Variants in NEXMIF observed in about 807,000 individuals in gnomAD.
NEXMIF encodes the protein XLMR protein related to neurite extension.
A neutral mutation model predicts 62.1 loss-of-function variants in NEXMIF; 8 were observed. The observed-to-expected ratio is 0.13, with a 90% CI of 0.08 to 0.23. The LOEUF (loss-of-function observed/expected upper bound fraction) is 0.23, where lower values mean the gene tolerates loss of function less well. Among genes scored for constraint, NEXMIF ranks in the 10% least tolerant of loss-of-function variants. NEXMIF has a pLI of 1.00. For synonymous variants in NEXMIF, 404 were observed against 416.6 expected (o/e 0.97, Z 0.37); for missense variants, 976 against 1,113.3 (o/e 0.88, Z 1.75).
intron 1 of NEXMIF, among the ~76,000 whole-genome samples, chrX:74,847,749 C>T (rs894214115): frequency 1.6e-4 from 18 of 111,535 alleles, no homozygotes; most frequent in African/African-American, 5.2e-4. Flanking sequence ...TCTTTAACAC[C>T]TTCTTCATTA....
At chrX:74,890,728 G>C (rs1158238636) in intron 1 of NEXMIF, among the ~76,000 whole-genome samples, 4 of 111,349 alleles carry the variant, frequency 3.6e-5, no homozygotes, top group Non-Finnish European at 5.6e-5. Context: ...ATGTCAGAGG[G>C]ACAATGCCTA....
intron 1 of NEXMIF, among the ~76,000 whole-genome samples, chrX:74,885,467 C>A (rs1324959922): frequency 9.0e-6 from 1 of 111,499 alleles, no homozygotes; most frequent in Non-Finnish European, 1.9e-5. Context: ...AAGGGGATAT[C>A]ACCACTGATC....
At position 74,812,762 on chromosome X, in the gene NEXMIF, C is replaced by G. The variant is rs186775029; in HGVS notation, c.-47-67065G>C. Among the ~76,000 whole-genome samples the G allele has an allele frequency of 3.4e-3, 379 of 111,636 alleles. 2 individuals carry two copies. Among genetic ancestry groups the G allele is most frequent in the African/African-American group, 0.012 (361 of 30,737 alleles). Reference sequence around the variant, plus strand: ...CTGAAGAGTAGAAAAGTTTGAGAGACAGTTTCAAGAAAAGCTGGCATTTAC... The same window carrying G: ...CTGAAGAGTAGAAAAGTTTGAGAGAGAGTTTCAAGAAAAGCTGGCATTTAC... On this transcript the variant is annotated intron_variant, in intron 1 of 3. Coordinates refer to ENST00000055682, the MANE Select transcript of NEXMIF (RefSeq NM_001008537.3).
intron 1 of NEXMIF, among the ~76,000 whole-genome samples, chrX:74,837,835 G>A (rs192201734): frequency 9.0e-6 from 1 of 111,599 alleles, no homozygotes; most frequent in East Asian, 2.8e-4. Context: ...TTATAAGAAA[G>A]AATAAATCAG....
At chrX:74,872,521 G>T (rs1307059393) in intron 1 of NEXMIF, among the ~76,000 whole-genome samples, 1 of 109,331 alleles carries the variant, frequency 9.1e-6, no homozygotes, top group African/African-American at 3.3e-5. Flanking sequence ...GTATTTGCTA[G>T]CACATCAGAC....
At chrX:74,751,492 CTTT>C (rs751246251) in intron 1 of NEXMIF, among the ~76,000 whole-genome samples, 1 of 102,235 alleles carries the variant, frequency 9.8e-6, no homozygotes. Context: ...GTCTCTCTCT[CTTT>C]TTTTTTTTTT....
chrX:74,868,566 A>C (rs776645875), intron 1 of NEXMIF, among the ~76,000 whole-genome samples: 2 of 96,905 alleles, frequency 2.1e-5, no homozygotes, highest in South Asian at 1.1e-3. Flanking sequence ...TATAAGTTGG[A>C]GCTGGACAAT....
chrX:74,780,076 C>A (rs763891508), intron 1 of NEXMIF, among the ~76,000 whole-genome samples: 24 of 112,295 alleles, frequency 2.1e-4, no homozygotes, highest in Admixed American at 1.9e-4. Context: ...TGTAATTATT[C>A]CTGGGCATTC....
At chrX:74,794,796 GC>G (rs767355552) in intron 1 of NEXMIF, among the ~76,000 whole-genome samples, 7 of 111,792 alleles carry the variant, frequency 6.3e-5, no homozygotes, top group Non-Finnish European at 1.3e-4. Context: ...CTGACCCCTT[GC>G]GCTTCCCAAG....
At position 74,737,251 on chromosome X, in the gene NEXMIF, TCAAAAA is replaced by T. The variant is rs888936230; in HGVS notation, c.*2148_*2153del. The T allele has an allele frequency of 2.7e-5, 3 of 110,531 alleles. No individual in the cohort carries two copies. Among genetic ancestry groups the T allele is most frequent in the African/African-American group, 6.6e-5 (2 of 30,333 alleles). 9.1% of individuals were successfully genotyped at this position (110,531 alleles called of 1,213,427 possible). A position where few individuals can be genotyped will look rare whatever the true frequency, so the allele number is the denominator to read the frequency against. ...AAAATTCAGCTGCAAAACAGAAAAA[TCAAAAA>T]CAAAAACAAAAACAAAACAAAGACC... is the stretch of plus-strand genomic sequence containing the variant. On this transcript the variant is annotated 3_prime_UTR_variant, in exon 4 of 4. Transcript: ENST00000055682.
Position 74,777,543 on chromosome X carries a change from A to G in NEXMIF, c.-47-31846T>C, listed in dbSNP as rs991227413. 3.6e-5 allele frequency among the ~76,000 whole-genome samples: 4 copies of G among 111,919 alleles called. No homozygotes were observed. In the South Asian group the frequency reaches 1.5e-3, roughly 42 times the overall value. On this transcript the variant is annotated intron_variant, in intron 1 of 3. Transcript: ENST00000055682. Reference sequence around the variant, plus strand: ...CTATCGAATCACATATAGGCAGTTTAAGGAGGGAAGAGATGCATGTGTGTG... The same window carrying G: ...CTATCGAATCACATATAGGCAGTTTGAGGAGGGAAGAGATGCATGTGTGTG...
At chrX:74,893,219 A>C (rs1456723741) in intron 1 of NEXMIF, among the ~76,000 whole-genome samples, 1 of 112,438 alleles carries the variant, frequency 8.9e-6, no homozygotes, top group Non-Finnish European at 1.9e-5. Flanking sequence ...TCCATAAAGC[A>C]GACTACTTCA....
intron 1 of NEXMIF, among the ~76,000 whole-genome samples, chrX:74,756,517 A>G (rs969157418): frequency 1.8e-5 from 2 of 111,246 alleles, no homozygotes; most frequent in African/African-American, 6.5e-5. Flanking sequence ...TGAGACAAGG[A>G]ATGGGCTATC....
At chrX:74,869,233 T>C (rs1487910531) in intron 1 of NEXMIF, among the ~76,000 whole-genome samples, 2 of 111,808 alleles carry the variant, frequency 1.8e-5, no homozygotes, top group African/African-American at 6.5e-5. Context: ...ATGTGATCAT[T>C]TCCATGGATG....
chrX:74,919,341 G>C (rs1028598642), intron 1 of NEXMIF, among the ~76,000 whole-genome samples: 14 of 111,400 alleles, frequency 1.3e-4, no homozygotes, highest in African/African-American at 4.2e-4. Context: ...GAAAAAGATA[G>C]GTTGAGCTGG....
chrX:74,782,492 C>G (rs1479142490), intron 1 of NEXMIF, among the ~76,000 whole-genome samples: 1 of 111,023 alleles, frequency 9.0e-6, no homozygotes, highest in Admixed American at 9.6e-5. Flanking sequence ...TAAGTCCTCC[C>G]TACTACAGAC....
chrX:74,816,984 C>A (rs371458353), intron 1 of NEXMIF, among the ~76,000 whole-genome samples: 1 of 112,128 alleles, frequency 8.9e-6, no homozygotes. Flanking sequence ...AATTTGAAAT[C>A]GGATTTCTCC....
intron 1 of NEXMIF, among the ~76,000 whole-genome samples, chrX:74,828,786 A>G (rs759170686): frequency 3.3e-4 from 37 of 111,921 alleles, no homozygotes; most frequent in Admixed American, 2.1e-3. Flanking sequence ...TTAAAAAAGC[A>G]AAGAAAATTT....
At chrX:74,803,837 A>G (rs2080337374) in intron 1 of NEXMIF, among the ~76,000 whole-genome samples, 1 of 111,013 alleles carries the variant, frequency 9.0e-6, no homozygotes, top group African/African-American at 3.3e-5. Context: ...CGAAGGAGAA[A>G]TAAAGACTTT....
Sources: gnomAD v4.1 joint callset for allele counts (sites outside exome capture counted in the v4.1 genomes callset) on GRCh38, gnomAD v4.1.1 for gene constraint, MANE v1.5 for transcripts, NCBI Gene and HGNC (gene_info 2026-07-23, HGNC 2026-07-21) for gene names.